Variants in TGFB2 observed in about 807,000 individuals in gnomAD.
TGFB2 encodes transforming growth factor beta 2, also known as transforming growth factor beta-2 proprotein.
In TGFB2, 13 loss-of-function variants were observed where a neutral mutation model predicts 42.7. That is an observed-to-expected ratio of 0.30 (90% confidence interval 0.20 to 0.48). TGFB2 has a LOEUF of 0.48. Ranked by LOEUF, TGFB2 falls within the 20% of genes least tolerant of loss-of-function variation. The probability of loss-of-function intolerance (pLI) is 0.99; values close to 1 mark genes in which losing one functional copy is unlikely to be tolerated. For missense variants in TGFB2, 390 were observed against 517.5 expected (o/e 0.75, Z 2.39); for synonymous variants, 193 against 193.6 (o/e 1.00, Z 0.03).
chr1:218,397,266 TAA>T (rs1246321855), intron 1 of TGFB2, among the ~76,000 whole-genome samples: 145 of 97,518 alleles, frequency 1.5e-3, no homozygotes, highest in African/African-American at 3.1e-3. Context: ...AGACTCCATC[TAA>T]AAAAAAAAAA....
intron 1 of TGFB2, among the ~76,000 whole-genome samples, chr1:218,372,852 G>T (rs1268405019): frequency 6.6e-6 from 1 of 152,116 alleles, no homozygotes. Context: ...GACTCCGTTG[G>T]TCTGGAGTGG....
chr1:218,401,772 G>T (rs1658729772), intron 1 of TGFB2, among the ~76,000 whole-genome samples: 2 of 152,166 alleles, frequency 1.3e-5, no homozygotes. Context: ...GATCAGAGCT[G>T]CACAAGCCAT....
chr1:218,375,037 A>AT (rs898396951), intron 1 of TGFB2, among the ~76,000 whole-genome samples: 108 of 151,874 alleles, frequency 7.1e-4, no homozygotes, highest in African/African-American at 8.9e-4. Context: ...TCAAAAAAAG[A>AT]TTTTTTTTTA....
At position 218,394,524 on chromosome 1, in the gene TGFB2, G is replaced by T. The variant is rs780452129; in HGVS notation, c.347-10645G>T. ...GCCCAAACACTCATGCTGACAGTAC[G>T]CACAGTCTCAAATAGCAGTTAGATG... On this transcript the variant is annotated intron_variant, in intron 1 of 6. Coordinates refer to ENST00000366930, the MANE Select transcript of TGFB2 (RefSeq NM_003238.6). 3.9e-5 allele frequency among the ~76,000 whole-genome samples: 6 copies of T among 152,096 alleles called. No homozygotes were observed. The South Asian group carries it at 1.0e-3, about 26-fold the overall frequency.
intron 1 of TGFB2, among the ~76,000 whole-genome samples, chr1:218,376,265 G>A (rs1657738450): frequency 6.6e-6 from 1 of 152,200 alleles, no homozygotes; most frequent in Non-Finnish European, 1.5e-5. Flanking sequence ...CTCAGACCTT[G>A]CATGAAAGGA....
intron 2 of TGFB2, among the ~76,000 whole-genome samples, chr1:218,410,337 A>G (rs1659054855): frequency 6.6e-6 from 1 of 152,206 alleles, no homozygotes; most frequent in African/African-American, 2.4e-5. Context: ...CACCTGGGAT[A>G]GTTAGGAAAC....
chr1:218,352,088 C>T (rs1243445597), intron 1 of TGFB2, among the ~76,000 whole-genome samples: 3 of 152,094 alleles, frequency 2.0e-5, no homozygotes, highest in Admixed American at 6.5e-5. Flanking sequence ...TGGCCCACTG[C>T]CACTCCAGCC....
chr1:218,438,931 A>AC (rs1469760486), intron 6 of TGFB2, among the ~76,000 whole-genome samples: 5 of 151,884 alleles, frequency 3.3e-5, no homozygotes, highest in African/African-American at 1.2e-4. Context: ...AGATGATGAA[A>AC]CCCCGTCTCT....
At chr1:218,392,711 A>G (rs1658354185) in intron 1 of TGFB2, among the ~76,000 whole-genome samples, 2 of 152,244 alleles carry the variant, frequency 1.3e-5, no homozygotes, top group Admixed American at 1.3e-4. Flanking sequence ...TAATTTCAAT[A>G]AAGACTTGCA....
chr1:218,417,753 G>T (rs532281781), intron 2 of TGFB2, among the ~76,000 whole-genome samples: 1 of 152,200 alleles, frequency 6.6e-6, no homozygotes, highest in Non-Finnish European at 1.5e-5. Context: ...CTAGGGATTT[G>T]GTGCCCTGCA....
chr1:218,407,601 C>G (rs906544920), intron 2 of TGFB2, among the ~76,000 whole-genome samples: 1 of 152,206 alleles, frequency 6.6e-6, no homozygotes, highest in Admixed American at 6.5e-5. Flanking sequence ...TCCAATGATA[C>G]TCACAGCTAT....
chr1:218,364,266 C>T (rs960430334), intron 1 of TGFB2, among the ~76,000 whole-genome samples: 1 of 152,236 alleles, frequency 6.6e-6, no homozygotes, highest in Non-Finnish European at 1.5e-5. Context: ...CCACTTAGCC[C>T]TGACCCTCGG....
rs34950123 is a variant in TGFB2 at position 218,428,972 on chromosome 1, C to CTTTTTT, written c.511-5091_511-5086dup. Among the ~76,000 whole-genome samples, 31 of 95,876 alleles carry CTTTTTT rather than the reference C, an allele frequency of 3.2e-4. 1 individual carries two copies. The highest frequency in any genetic ancestry group is 4.1e-4 in the Admixed American group (3 of 7,252). The allele number at this position is 95,876 out of a possible 152,430, so 62.9% of individuals were successfully genotyped here. On this transcript the variant is annotated intron_variant, in intron 2 of 6. Coordinates refer to ENST00000366930, the MANE Select transcript of TGFB2 (RefSeq NM_003238.6). ...ATTGATTCTCCCTATCCATGAGCAT[C>CTTTTTT]TTTTTTTTTTTTTTTTTTTTTTTTC...
Position 218,356,276 on chromosome 1 carries a change from G to A in TGFB2, c.346+9229G>A, listed in dbSNP as rs528864245. On this transcript the variant is annotated intron_variant, in intron 1 of 6. Coordinates refer to ENST00000366930, the MANE Select transcript of TGFB2 (RefSeq NM_003238.6). ...TCTGTTGCCCAGGCTGGAGTAAGTG[G>A]CACAGACATGGCTCACTGAAGCCTC... is the stretch of plus-strand genomic sequence containing the variant. 1.1e-3 allele frequency among the ~76,000 whole-genome samples: 171 copies of A among 152,062 alleles called. 1 individual carries two copies. Among genetic ancestry groups the A allele is most frequent in the African/African-American group, 3.9e-3 (163 of 41,474 alleles).
intron 1 of TGFB2, among the ~76,000 whole-genome samples, chr1:218,396,549 T>G (rs906169077): frequency 1.3e-5 from 2 of 152,106 alleles, no homozygotes; most frequent in East Asian, 1.9e-4. Flanking sequence ...TTCTTTTTTT[T>G]TTTTAATCTT....
chr1:218,374,116 A>G (rs1045987242), intron 1 of TGFB2, among the ~76,000 whole-genome samples: 5 of 152,156 alleles, frequency 3.3e-5, no homozygotes, highest in African/African-American at 1.2e-4. Flanking sequence ...CAGTGTTTTC[A>G]TTTTGTTCCC....
intron 1 of TGFB2, among the ~76,000 whole-genome samples, chr1:218,390,553 T>C (rs1658287265): frequency 6.6e-6 from 1 of 152,106 alleles, no homozygotes; most frequent in South Asian, 2.1e-4. Flanking sequence ...GAAGCTAAAC[T>C]ATAGGGGCTT....
At chr1:218,366,603 C>T (rs55919527) in intron 1 of TGFB2, among the ~76,000 whole-genome samples, 5 of 152,302 alleles carry the variant, frequency 3.3e-5, no homozygotes, top group South Asian at 4.1e-4. Flanking sequence ...TGAGCCACTG[C>T]GCCTGACCCG....
At chr1:218,377,144 C>T (rs549529984) in intron 1 of TGFB2, among the ~76,000 whole-genome samples, 2 of 152,256 alleles carry the variant, frequency 1.3e-5, no homozygotes, top group East Asian at 1.9e-4. Context: ...AGGGATCCTC[C>T]TAAAGTGCTG....
Sources: gnomAD v4.1 joint callset for allele counts (sites outside exome capture counted in the v4.1 genomes callset) on GRCh38, gnomAD v4.1.1 for gene constraint, MANE v1.5 for transcripts, NCBI Gene and HGNC (gene_info 2026-07-23, HGNC 2026-07-21) for gene names.